The following SCAP variants were observed in gnomAD, a reference collection of about 807,000 sequenced individuals.
SCAP encodes the protein sterol regulatory element-binding protein cleavage-activating protein.
A neutral mutation model predicts 123.6 loss-of-function variants in SCAP; 65 were observed. That is an observed-to-expected ratio of 0.53 (90% CI 0.43 to 0.65). The LOEUF is 0.65. SCAP is among the 30% of genes least tolerant of loss of function. The pLI is 0.00. For synonymous variants in SCAP, 740 were observed against 726.3 expected, an observed-to-expected ratio of 1.02 and a Z score of -0.30; for missense variants, 1,398 against 1,712.5, an observed-to-expected ratio of 0.82 and a Z score of 3.24.
chr3:47,421,557 A>C (rs1261803647), intron 10 of SCAP, among the ~76,000 whole-genome samples: 1 of 152,260 alleles, frequency 6.6e-6, no homozygotes, highest in Admixed American at 6.5e-5. Context: ...TCAGCAGACA[A>C]AATTTTCTGA....
intron 8 of SCAP, 60 bp downstream of exon 8, chr3:47,425,425 G>A: frequency 1.3e-6 from 2 of 1,557,182 alleles, no homozygotes; most frequent in Non-Finnish European, 1.7e-6. Context: ...GAACCCAGAA[G>A]TGCAAGGCTC....
At chr3:47,446,362 G>A (rs544281576) in intron 1 of SCAP, among the ~76,000 whole-genome samples, 4 of 151,996 alleles carry the variant, frequency 2.6e-5, no homozygotes, top group African/African-American at 9.7e-5. Flanking sequence ...TAGTAGAGAC[G>A]AAGTTTCACT....
chr3:47,443,280 T>A (rs866431190), intron 1 of SCAP, 189 bp from the exon 2 acceptor site: 11 of 156,710 alleles, frequency 7.0e-5, no homozygotes, highest in African/African-American at 3.5e-4. Context: ...ACACACACTC[T>A]CTCTCTCTCT....
At chr3:47,474,909 T>C (rs1708208653) in intron 1 of SCAP, among the ~76,000 whole-genome samples, 1 of 152,236 alleles carries the variant, frequency 6.6e-6, no homozygotes, top group Non-Finnish European at 1.5e-5. Context: ...CGTCAGTCTT[T>C]TGCTCAATAT....
At chr3:47,442,702 T>C (rs1706853034) in intron 2 of SCAP, among the ~76,000 whole-genome samples, 170 bp downstream of exon 2, 1 of 152,200 alleles carries the variant, frequency 6.6e-6, no homozygotes, top group Admixed American at 6.5e-5. Context: ...TATTTTATTA[T>C]ATTAGCTAAC....
intron 6 of SCAP, 77 bp from the exon 7 acceptor site, chr3:47,426,246 G>T: frequency 7.0e-7 from 1 of 1,435,026 alleles, no homozygotes; most frequent in Non-Finnish European, 9.4e-7. Flanking sequence ...CCGGACAGAG[G>T]GTCCATCAGG....
At chr3:47,448,530 C>T (rs1487496107) in intron 1 of SCAP, among the ~76,000 whole-genome samples, 1 of 151,980 alleles carries the variant, frequency 6.6e-6, no homozygotes, top group Non-Finnish European at 1.5e-5. Context: ...GTTATTGTCC[C>T]ATGGGTCCCT....
In SCAP at chr3:47,467,205, G is replaced by A. The variant is rs149344058; in HGVS notation, c.-99+8594C>T. On this transcript the variant is annotated intron_variant, in intron 1 of 22. Coordinates refer to ENST00000265565, the MANE Select transcript of SCAP (RefSeq NM_012235.4). ...TTCACAAATCATATATCTAACAAGG[G>A]TTTAATATCCAGAATTTGTAAAGAA... Among the ~76,000 whole-genome samples the A allele has an allele frequency of 1.1e-3, 171 of 152,018 alleles. 1 individual carries two copies. The highest frequency in any genetic ancestry group is 3.9e-3 in the African/African-American group (161 of 41,482).
intron 1 of SCAP, 67 bp from the exon 2 acceptor site, chr3:47,443,158 G>A: frequency 1.6e-6 from 2 of 1,251,554 alleles, no homozygotes; most frequent in Non-Finnish European, 2.1e-6. Context: ...GCTGCTGGAG[G>A]GAGGCGATAG....
At chr3:47,425,870 G>A in intron 7 of SCAP, 127 bp downstream of exon 7, 2 of 1,117,928 alleles carry the variant, frequency 1.8e-6, no homozygotes, top group South Asian at 3.0e-5. Context: ...CAAAGCCCTA[G>A]CTCTGATGAC....
chr3:47,423,159 C>T (rs1705981815), intron 9 of SCAP, among the ~76,000 whole-genome samples: 2 of 152,182 alleles, frequency 1.3e-5, no homozygotes, highest in African/African-American at 4.8e-5. Flanking sequence ...TGCCTACAGC[C>T]CCATTCCTCA....
chr3:47,425,419 C>A, intron 8 of SCAP, 66 bp downstream of exon 8: 1 of 1,538,642 alleles, frequency 6.5e-7, no homozygotes, highest in Non-Finnish European at 8.7e-7. Context: ...GGCCAAGAAC[C>A]CAGAAGTGCA....
intron 21 of SCAP, 64 bp from the exon 22 acceptor site, chr3:47,414,450 C>T: frequency 6.3e-7 from 1 of 1,599,392 alleles, no homozygotes; most frequent in Non-Finnish European, 8.6e-7. Context: ...CAGTGGTGTC[C>T]CTGTGCCCCA....
At chr3:47,464,198 T>G (rs902976852) in intron 1 of SCAP, among the ~76,000 whole-genome samples, 2 of 152,054 alleles carry the variant, frequency 1.3e-5, no homozygotes, top group African/African-American at 4.8e-5. Context: ...CTATTTTTAG[T>G]AGAGACGGGG....
chr3:47,433,785 T>C (rs1205328884), intron 3 of SCAP, among the ~76,000 whole-genome samples: 1 of 151,972 alleles, frequency 6.6e-6, no homozygotes, highest in Non-Finnish European at 1.5e-5. Flanking sequence ...GGAGAATCGC[T>C]TTCAACCCAG....
chr3:47,451,976 T>C (rs530193939), intron 1 of SCAP, among the ~76,000 whole-genome samples: 16 of 152,352 alleles, frequency 1.1e-4, no homozygotes, highest in African/African-American at 3.8e-4. Context: ...TTCCATCCTC[T>C]ATTCCCTCTT....
rs376083345 is a variant in SCAP, at chr3:47,427,495, T to C, written c.583A>G (p.Ile195Val). Reference protein sequence around the residue: ...FHADPDIIGTIHQHEPKTLQT... With the variant: ...FHADPDIIGTVHQHEPKTLQT... The stretch of plus-strand genomic sequence containing the variant: ...AGGGTTTTAGGCTCGTGCTGGTGGA[T>C]GGTCCCAATGATGTCAGGATCAGCA... Residue 195 changes from isoleucine to valine, a missense_variant, in exon 5 of 23, where the codon ATC (isoleucine) becomes GTC (valine). Ile to Val is a conservative substitution (Grantham distance 29). Around this residue, in one of 7 missense-constraint regions of SCAP, gnomAD observed 319 missense variants for 432.4 expected, o/e 0.74. Coordinates refer to ENST00000265565, the MANE Select transcript of SCAP (RefSeq NM_012235.4). The C allele has an allele frequency of 1.9e-6, 3 of 1,614,206 alleles. No individual in the cohort carries two copies. Among genetic ancestry groups the C allele is most frequent in the Non-Finnish European group, 2.5e-6 (3 of 1,180,046 alleles).
At chr3:47,429,561 C>G (rs1331892682) in intron 3 of SCAP, among the ~76,000 whole-genome samples, 1 of 152,222 alleles carries the variant, frequency 6.6e-6, no homozygotes, top group Admixed American at 6.5e-5. Flanking sequence ...TGTTGCCAGG[C>G]TGGTCTCGAA....
At chr3:47,431,958 T>C (rs1361166065) in intron 3 of SCAP, among the ~76,000 whole-genome samples, 1 of 152,230 alleles carries the variant, frequency 6.6e-6, no homozygotes, top group Non-Finnish European at 1.5e-5. Flanking sequence ...GACTCAGGAA[T>C]GGACTCACAG....
Sources: gnomAD v4.1 joint callset for allele counts (sites outside exome capture counted in the v4.1 genomes callset) on GRCh38, gnomAD v4.1.1 for gene constraint, gnomAD v4.1.1 regional missense constraint, MANE v1.5 for transcripts, NCBI Gene and HGNC (gene_info 2026-07-23, HGNC 2026-07-21) for gene names.